The following UMODL1 variants were observed in gnomAD, a reference collection of about 807,000 sequenced individuals.
UMODL1 encodes the protein uromodulin like 1, also known as uromodulin-like 1.
UMODL1 carries 128 observed loss-of-function variants against 136.3 expected under a neutral mutation model. That is an observed-to-expected ratio of 0.94 (90% CI 0.81 to 1.09). UMODL1 has a LOEUF of 1.09. Ranked by LOEUF, UMODL1 falls within the 50% of genes least tolerant of loss-of-function variation. The pLI, the probability that UMODL1 is intolerant of heterozygous loss-of-function variation, is 0.00. For missense variants in UMODL1, 1,766 were observed against 1,725.6 expected, an observed-to-expected ratio of 1.02 and a Z score of -0.41; for synonymous variants, 721 against 720.0, an observed-to-expected ratio of 1.00 and a Z score of -0.02.
At chr21:42,134,227 A>G (rs35523457) in intron 21 of UMODL1, among the ~76,000 whole-genome samples, 74,580 of 152,080 alleles carry the variant, frequency 0.49, 19,497 homozygotes, top group Non-Finnish European at 0.6. Flanking sequence ...TTCACAGTTC[A>G]ACACATAGGT....
intron 8 of UMODL1, chr21:42,102,936 A>C (rs551787740): frequency 6.5e-6 from 1 of 153,074 alleles, no homozygotes; most frequent in African/African-American, 2.4e-5. Context: ...CCCTTCCTGC[A>C]CCCGAGTCCC....
At chr21:42,120,285 T>C (rs939201962) in intron 15 of UMODL1, among the ~76,000 whole-genome samples, 1 of 152,228 alleles carries the variant, frequency 6.6e-6, no homozygotes, top group African/African-American at 2.4e-5. Context: ...GTGACATAAA[T>C]CAAACGCTTT....
chr21:42,125,491 C>T (rs1260122807), intron 17 of UMODL1, among the ~76,000 whole-genome samples: 1 of 152,200 alleles, frequency 6.6e-6, no homozygotes, highest in Non-Finnish European at 1.5e-5. Context: ...GAAGGAGTAA[C>T]CTGCACTGTT....
At chr21:42,121,503 G>A (rs148688551) in intron 16 of UMODL1, among the ~76,000 whole-genome samples, 231 of 152,328 alleles carry the variant, frequency 1.5e-3, no homozygotes, top group African/African-American at 5.2e-3. Flanking sequence ...TCCATGGAGA[G>A]AAAATATACA....
intron 9 of UMODL1, among the ~76,000 whole-genome samples, chr21:42,109,106 G>T (rs34212454): frequency 1.1e-5 from 1 of 93,954 alleles, no homozygotes. Flanking sequence ...GTGGAAAGCT[G>T]GTGTTATACT....
rs971215872 is a variant in UMODL1 at position 42,123,025 on chromosome 21, C to T, written c.3022C>T (p.Gln1008Ter). The T allele has an allele frequency of 1.2e-6, 2 of 1,614,148 alleles. No homozygotes were observed. The highest frequency in any genetic ancestry group is 2.2e-5 in the East Asian group (1 of 44,882). Residue 1008 changes from glutamine to a stop codon, truncating the protein, a stop_gained, in exon 17 of 23, where the codon CAG becomes TAG. Coordinates refer to ENST00000408910, the MANE Select transcript of UMODL1 (RefSeq NM_001004416.3). LOFTEE classifies it high-confidence loss of function. This position sits in a 1 kb window ranked among gnomAD's most constrained non-coding sequence, Gnocchi z 4.4. ...TGTCGCCATCCAGAAGCGCTTCCTG[C>T]AGCAGGAATCCATCCCCGAGTCCTC... ...VVVAIQKRFL[Q>*]QESIPESSLY...
chr21:42,110,022 T>C (rs1187735579), intron 10 of UMODL1, among the ~76,000 whole-genome samples: 1 of 151,952 alleles, frequency 6.6e-6, no homozygotes, highest in Non-Finnish European at 1.5e-5. Context: ...CCCACAGAAG[T>C]CAGGATGCAG....
upstream of UMODL1, among the ~76,000 whole-genome samples, chr21:42,069,796 T>G (rs1194343446): frequency 6.6e-6 from 1 of 152,256 alleles, no homozygotes; most frequent in Non-Finnish European, 1.5e-5. Flanking sequence ...AAATTCATCT[T>G]GCATTTTAAA....
Position 42,115,925 on chromosome 21 carries a change from A to G in UMODL1, c.2415A>G (p.Glu805=). 3 of 1,614,114 alleles carry G rather than the reference A, an allele frequency of 1.9e-6. No individual in the cohort carries two copies. Among genetic ancestry groups the G allele is most frequent in the Non-Finnish European group, 2.5e-6 (3 of 1,180,018 alleles). The part of the protein sequence containing the change: ...KVRIKNVRYS[E]SFRNASSQEY... ...GAATCAAAAATGTCAGGTACTCAGA[A>G]TCCTTTCGCAACGCAAGCAGCCAGG... The change falls in exon 14 of 23, where the codon GAA becomes GAG. Residue 805 remains glutamate (E), a synonymous_variant. Coordinates refer to ENST00000408910, the MANE Select transcript of UMODL1 (RefSeq NM_001004416.3).
At chr21:42,112,492 G>T (rs2058564260) in intron 12 of UMODL1, among the ~76,000 whole-genome samples, 1 of 150,406 alleles carries the variant, frequency 6.6e-6, no homozygotes, top group Non-Finnish European at 1.5e-5. Context: ...CTCTGTATCT[G>T]TCCAGCTGTT....
intron 6 of UMODL1, 143 bp from the exon 7 acceptor site, chr21:42,098,783 A>G: frequency 7.6e-7 from 1 of 1,312,268 alleles, no homozygotes; most frequent in Non-Finnish European, 1.0e-6. Context: ...AAAAACAAAA[A>G]ATAGCCAGTG....
At chr21:42,108,484 A>G (rs927503983) in intron 9 of UMODL1, 5 of 445,976 alleles carry the variant, frequency 1.1e-5, no homozygotes, top group African/African-American at 8.1e-5. Context: ...AAAAAAACCC[A>G]CAAAACGAGC....
intron 16 of UMODL1, among the ~76,000 whole-genome samples, chr21:42,121,641 G>A (rs542923694): frequency 4.6e-5 from 7 of 152,194 alleles, no homozygotes; most frequent in Non-Finnish European, 7.3e-5. Flanking sequence ...CCTGCTAAAC[G>A]GGGTCTTAGT....
At chr21:42,100,959 C>T (rs948703242) in intron 7 of UMODL1, among the ~76,000 whole-genome samples, 4 of 138,270 alleles carry the variant, frequency 2.9e-5, no homozygotes, top group African/African-American at 5.6e-5. Context: ...CCACCAACCC[C>T]GTGCCTTCAG....
chr21:42,103,079 T>C (rs2066657776), intron 8 of UMODL1: 2 of 158,600 alleles, frequency 1.3e-5, no homozygotes, highest in Non-Finnish European at 2.8e-5. Flanking sequence ...AAGGAGACAT[T>C]ATCTGTTACA....
upstream of UMODL1, chr21:42,071,237 C>A: frequency 2.2e-6 from 3 of 1,362,594 alleles, no homozygotes; most frequent in Non-Finnish European, 1.9e-6. Context: ...GCAGCTCAGG[C>A]CCCTATGAGC....
intron 1 of UMODL1, among the ~76,000 whole-genome samples, chr21:42,072,900 T>G (rs1445968043): frequency 6.6e-6 from 1 of 152,240 alleles, no homozygotes; most frequent in Non-Finnish European, 1.5e-5. Flanking sequence ...GCTAACTGCT[T>G]TCTTCTCTGG....
upstream of UMODL1, among the ~76,000 whole-genome samples, chr21:42,068,412 G>T (rs1569135726): frequency 6.6e-6 from 1 of 152,218 alleles, no homozygotes; most frequent in South Asian, 2.1e-4. The surrounding 1 kb of genome is among the most constrained non-coding windows in gnomAD (Gnocchi z 5.5). Context: ...AGTCACCGCC[G>T]CTGTCAGAGA....
At chr21:42,137,767 G>A (rs2067228190) in intron 22 of UMODL1, 126 bp downstream of exon 22, 1 of 1,128,384 alleles carries the variant, frequency 8.9e-7, no homozygotes, top group South Asian at 1.5e-5. Context: ...ACAGGAAGGT[G>A]GGTGTGGAGT....
Sources: allele counts gnomAD v4.1 joint callset (sites outside exome capture counted in the v4.1 genomes callset), GRCh38; gene constraint gnomAD v4.1.1; non-coding constraint Gnocchi (gnomAD v3.1); transcripts MANE v1.5; gene names NCBI Gene and HGNC (gene_info 2026-07-23, HGNC 2026-07-21).